EARS2: variants seen among roughly 807,000 people sequenced by gnomAD.
The protein encoded by EARS2 is glutamyl-tRNA synthetase 2, mitochondrial, also known as nondiscriminating glutamyl-tRNA synthetase EARS2, mitochondrial.
EARS2 carries 50 observed loss-of-function variants against 54.1 expected under a neutral mutation model. The observed-to-expected ratio is 0.92, with a 90% CI of 0.74 to 1.17. The LOEUF is 1.17. Among genes scored for constraint, EARS2 ranks in the 50% most tolerant of loss-of-function variants. The probability of loss-of-function intolerance (pLI) is 0.00; values close to 1 mark genes in which losing one functional copy is unlikely to be tolerated. For missense variants in EARS2, 673 were observed against 675.0 expected (o/e 1.00, Z 0.03); for synonymous variants, 298 against 281.0 (o/e 1.06, Z -0.61).
At chr16:23,545,007 A>G (rs1302211872) in intron 2 of EARS2, 1 of 271,478 alleles carries the variant, frequency 3.7e-6, no homozygotes, top group Non-Finnish European at 6.9e-6. Flanking sequence ...TCACCCAGCT[A>G]ATTTTTGTAT....
rs565233704 is a variant in EARS2 at position 23,538,165 on chromosome 16, G to A, written c.486-2805C>T. Among the ~76,000 whole-genome samples, 24 of 150,948 alleles carry A rather than the reference G, an allele frequency of 1.6e-4. No individual in the cohort carries two copies. The South Asian group carries it at 4.8e-3, about 30-fold the overall frequency. On this transcript the variant is annotated intron_variant, in intron 3 of 8. Transcript: ENST00000449606. Reference sequence around the variant, plus strand: ...GCCATACAAAACCTACACTATCCTAGTTGGGTTTTTTTGTTTTTTGTTTTG... The same window carrying A: ...GCCATACAAAACCTACACTATCCTAATTGGGTTTTTTTGTTTTTTGTTTTG...
intron 7 of EARS2, among the ~76,000 whole-genome samples, chr16:23,529,099 G>A (rs138748788): frequency 6.6e-6 from 1 of 152,288 alleles, no homozygotes; most frequent in East Asian, 1.9e-4. Context: ...TTCCCCTCTT[G>A]CCTAAGCCAG....
intron 2 of EARS2, among the ~76,000 whole-genome samples, chr16:23,545,438 C>T (rs1016055451): frequency 6.6e-6 from 1 of 152,174 alleles, no homozygotes; most frequent in Non-Finnish European, 1.5e-5. Flanking sequence ...GTGCTACCAA[C>T]GTGTGAGCAC....
rs372762172 is a variant in EARS2, at chr16:23,557,244, C to A, written c.100G>T (p.Gly34Trp). The A allele has an allele frequency of 2.0e-6, 3 of 1,520,528 alleles. No individual in the cohort carries two copies. In the Admixed American group the frequency reaches 6.6e-5, roughly 34 times the overall value. The allele number at this position is 1,520,528 out of a possible 1,614,324, so 94.2% of individuals were successfully genotyped here. ...RREANLGTDAGVAVRVRFAPS... is the reference protein window; with the variant it reads ...RREANLGTDAWVAVRVRFAPS... Reference sequence around the variant, plus strand: ...GCGAACCGCACTCGCACCGCAACCCCGGCATCAGTGCCCAGGTTGGCCTCG... The same window carrying A: ...GCGAACCGCACTCGCACCGCAACCCAGGCATCAGTGCCCAGGTTGGCCTCG... Residue 34 changes from glycine (G) to tryptophan (W), a missense_variant, in exon 1 of 9, where the codon GGG (glycine) becomes TGG (tryptophan). Physicochemically the swap from Gly to Trp is radical, Grantham distance 184. Transcript: ENST00000449606.
In EARS2 at chr16:23,544,514, C is replaced by T. The variant is rs752779979; in HGVS notation, c.485G>A (p.Arg162Gln). 1.9e-5 allele frequency: 30 copies of T among 1,612,454 alleles called. 1 individual carries two copies. In the East Asian group the frequency reaches 4.5e-4, roughly 24 times the overall value. ...KEALRNHQTP[R>Q]YDNRCRNMSQ... is the part of the protein sequence containing the mutation. ...ATCTGCAACAAGCTGAGGTTCTTAC[C>T]GGGGCGTCTGGTGGTTCCGCAAGGC... Residue 162 changes from arginine (R) to glutamine (Q), a missense_variant and splice_region_variant, in exon 3 of 9, where the codon CGG becomes CAG. Around this residue, in one of 3 missense-constraint regions of EARS2, gnomAD observed 316 missense variants for 275.2 expected, o/e 1.15. Coordinates refer to ENST00000449606, the MANE Select transcript of EARS2 (RefSeq NM_001083614.2).
intron 3 of EARS2, among the ~76,000 whole-genome samples, chr16:23,535,762 G>A (rs574056349): frequency 4.6e-5 from 7 of 152,212 alleles, no homozygotes; most frequent in East Asian, 1.9e-4. Flanking sequence ...TTAAGGTTCC[G>A]GGAAAGGTTT....
intron 8 of EARS2, 123 bp downstream of exon 8, chr16:23,525,121 G>T: frequency 1.5e-6 from 2 of 1,311,524 alleles, no homozygotes; most frequent in Admixed American, 1.8e-5. Context: ...TAAATGAGGG[G>T]AGTGATCATG....
At chr16:23,540,297 TG>T (rs992602783) in intron 3 of EARS2, among the ~76,000 whole-genome samples, 1 of 152,174 alleles carries the variant, frequency 6.6e-6, no homozygotes, top group Admixed American at 6.6e-5. Context: ...CACTCCAGCC[TG>T]GGTCACAGAA....
At position 23,524,187 on chromosome 16, in the gene EARS2, C is replaced by T; in HGVS notation, c.*184G>A. 1 of 634,970 alleles carries T rather than the reference C, an allele frequency of 1.6e-6. No individual in the cohort carries two copies. 39.3% of individuals were successfully genotyped at this position (634,970 alleles called of 1,614,324 possible). On this transcript the variant is annotated 3_prime_UTR_variant, in exon 9 of 9. Coordinates refer to ENST00000449606, the MANE Select transcript of EARS2 (RefSeq NM_001083614.2). ...GGTTAGATGGGTTGGGCTTCCCCAG[C>T]CAATTGACAAAAACGTGCCTGTGGT...
intron 3 of EARS2, among the ~76,000 whole-genome samples, chr16:23,535,904 G>C (rs1234897679): frequency 3.9e-5 from 6 of 152,192 alleles, no homozygotes; most frequent in African/African-American, 1.4e-4. Context: ...GCAGCTACTT[G>C]CAACTGCAGG....
At chr16:23,532,809 T>C (rs1965349653) in intron 4 of EARS2, 44 bp from the exon 5 acceptor site, 1 of 1,381,536 alleles carries the variant, frequency 7.2e-7, no homozygotes, top group Admixed American at 1.8e-5. Flanking sequence ...CTCTCTCCCT[T>C]CCTCCTTCCA....
rs541986700 is a variant in EARS2 at position 23,539,733 on chromosome 16, C to A, written c.486-4373G>T. ...TTAACAAAAAAAAAAAATCTGTTGG[C>A]CAGGCATGGTGGCTCATGCCTATAA... On this transcript the variant is annotated intron_variant, in intron 3 of 8. Coordinates refer to ENST00000449606, the MANE Select transcript of EARS2 (RefSeq NM_001083614.2). Among the ~76,000 whole-genome samples the A allele has an allele frequency of 2.6e-5, 4 of 152,214 alleles. No individual in the cohort carries two copies. In the East Asian group the frequency reaches 7.7e-4, roughly 29 times the overall value.
chr16:23,546,897 C>A (rs757935860), intron 2 of EARS2, among the ~76,000 whole-genome samples: 3 of 152,196 alleles, frequency 2.0e-5, no homozygotes, highest in Admixed American at 6.5e-5. Flanking sequence ...TCTCATGGGA[C>A]CTCCATTTCT....
chr16:23,532,051 G>C (rs1191234133), intron 5 of EARS2, among the ~76,000 whole-genome samples: 1 of 152,182 alleles, frequency 6.6e-6, no homozygotes, highest in Non-Finnish European at 1.5e-5. Context: ...GACCTCAGGT[G>C]ATCTGCCAAC....
intron 3 of EARS2, among the ~76,000 whole-genome samples, chr16:23,543,077 T>C (rs1965541493): frequency 7.3e-6 from 1 of 137,212 alleles, no homozygotes; most frequent in African/African-American, 2.8e-5. Flanking sequence ...ATTGCACCAC[T>C]GCACTCTAGC....
intron 1 of EARS2, among the ~76,000 whole-genome samples, chr16:23,555,011 G>A (rs767595929): frequency 4.3e-4 from 65 of 152,212 alleles, no homozygotes; most frequent in Middle Eastern, 3.4e-3. Flanking sequence ...GGCTTTCCCC[G>A]CAAATGAGCA....
intron 2 of EARS2, among the ~76,000 whole-genome samples, chr16:23,551,573 T>C (rs1179889537): frequency 6.6e-6 from 1 of 151,982 alleles, no homozygotes; most frequent in Non-Finnish European, 1.5e-5. Context: ...GATTGTGCCA[T>C]GGAACTCTAG....
At chr16:23,543,602 G>T (rs1018489751) in intron 3 of EARS2, among the ~76,000 whole-genome samples, 3 of 151,428 alleles carry the variant, frequency 2.0e-5, no homozygotes, top group African/African-American at 7.3e-5. Context: ...GTGTGGTGGC[G>T]GGCACCTGTA....
At chr16:23,525,412 A>G in intron 7 of EARS2, 33 bp from the exon 8 acceptor site, 1 of 1,590,572 alleles carries the variant, frequency 6.3e-7, no homozygotes, top group Non-Finnish European at 8.6e-7. Context: ...CAGGGCCTGC[A>G]TGGGCCAATG....
Sources: gnomAD v4.1 joint callset for allele counts (sites outside exome capture counted in the v4.1 genomes callset) on GRCh38, gnomAD v4.1.1 for gene constraint, gnomAD v4.1.1 regional missense constraint, MANE v1.5 for transcripts, NCBI Gene and HGNC (gene_info 2026-07-23, HGNC 2026-07-21) for gene names.